PKHD1L1: variants seen among roughly 807,000 people sequenced by gnomAD.
PKHD1L1 encodes the protein PKHD1 like 1, also known as fibrocystin-L.
In PKHD1L1, 434 loss-of-function variants were observed where a neutral mutation model predicts 462.9. The ratio of observed to expected loss-of-function variants is 0.94; its 90% confidence interval spans 0.87 to 1.02. The LOEUF (loss-of-function observed/expected upper bound fraction) is 1.02. Among genes scored for constraint, PKHD1L1 ranks in the 50% least tolerant of loss-of-function variants. The probability of loss-of-function intolerance (pLI) is 0.00; values close to 1 mark genes in which losing one functional copy is unlikely to be tolerated. For missense variants in PKHD1L1, 5,202 were observed against 5,096.1 expected (o/e 1.02, Z -0.63); for synonymous variants, 1,781 against 1,750.0 (o/e 1.02, Z -0.44).
At position 109,448,173 on chromosome 8, in the gene PKHD1L1, G is replaced by A. The variant is rs866571363; in HGVS notation, c.5807G>A (p.Gly1936Glu). 1 of 1,608,930 alleles carries A rather than the reference G, an allele frequency of 6.2e-7. No homozygotes were observed. The highest frequency in any genetic ancestry group is 8.5e-7 in the Non-Finnish European group (1 of 1,177,520). ...CCAGGAACTGAAATTGAGATCACTGGATCCAACTTTGGCTTTGAGATCTTG... is the reference window on the plus strand; with the variant it reads ...CCAGGAACTGAAATTGAGATCACTGAATCCAACTTTGGCTTTGAGATCTTG... ...GPPGTEIEIT[G>E]SNFGFEILEI... The change falls in exon 39 of 78, where the codon GGA becomes GAA. Residue 1936 changes from glycine (G) to glutamate (E), a missense_variant. By Grantham distance (98) the Gly-to-Glu change is moderately conservative (BLOSUM62 -2). This residue lies in a region of PKHD1L1 where 4,497 missense variants were observed against 4,336.8 expected (regional missense o/e 1.04). Transcript: ENST00000378402.
chr8:109,381,249 G>A, intron 2 of PKHD1L1, 121 bp from the exon 3 acceptor site: 1 of 853,750 alleles, frequency 1.2e-6, no homozygotes, highest in Non-Finnish European at 1.8e-6. Context: ...TATGAAATAG[G>A]TTCACTGCTT....
chr8:109,387,070 A>G (rs556310527), intron 6 of PKHD1L1, among the ~76,000 whole-genome samples: 10 of 152,286 alleles, frequency 6.6e-5, no homozygotes, highest in African/African-American at 1.7e-4. Context: ...TCCCATGTTA[A>G]TTATGATACC....
intron 73 of PKHD1L1, among the ~76,000 whole-genome samples, chr8:109,520,924 C>A (rs920569300): frequency 2.6e-5 from 4 of 152,140 alleles, no homozygotes. Context: ...CCACTCCATG[C>A]CAAAAACCAG....
In PKHD1L1 at chr8:109,464,729, A is replaced by G; in HGVS notation, c.7897A>G (p.Met2633Val). 1.2e-6 allele frequency: 2 copies of G among 1,613,844 alleles called. No individual in the cohort carries two copies. The highest frequency in any genetic ancestry group is 1.7e-6 in the Non-Finnish European group (2 of 1,179,800). The change falls in exon 49 of 78, where the codon ATG (methionine) becomes GTG (valine). Residue 2633 changes from methionine to valine, a missense_variant. Around this residue, in one of 3 missense-constraint regions of PKHD1L1, gnomAD observed 4,497 missense variants for 4,336.8 expected, o/e 1.04. Coordinates refer to ENST00000378402, the MANE Select transcript of PKHD1L1 (RefSeq NM_177531.6). ...GTGGATCTTTGAGGAATATTTCCCCATGCAAACGGGATCTTGTACATCTAC... is the reference window on the plus strand; with the variant it reads ...GTGGATCTTTGAGGAATATTTCCCCGTGCAAACGGGATCTTGTACATCTAC... ...GMWIFEEYFP[M>V]QTGSCTSTVP... is the part of the protein sequence containing the mutation.
At chr8:109,504,533 T>G in intron 68 of PKHD1L1, 41 bp downstream of exon 68, 1 of 1,245,118 alleles carries the variant, frequency 8.0e-7, no homozygotes, top group Non-Finnish European at 1.1e-6. Context: ...TCTTTATAGT[T>G]TTTCATTCTC....
At chr8:109,417,141 C>A (rs1814218198) in intron 21 of PKHD1L1, among the ~76,000 whole-genome samples, 1 of 151,984 alleles carries the variant, frequency 6.6e-6, no homozygotes, top group Non-Finnish European at 1.5e-5. Context: ...TTTGATAGCA[C>A]AACAGGGTGG....
intron 68 of PKHD1L1, among the ~76,000 whole-genome samples, chr8:109,504,712 CT>C (rs1343627411): frequency 6.6e-6 from 1 of 152,104 alleles, no homozygotes; most frequent in East Asian, 1.9e-4. Context: ...TCTCCCATTG[CT>C]TTTTTTGTGT....
chr8:109,516,257 G>A (rs57080527), intron 72 of PKHD1L1, among the ~76,000 whole-genome samples: 7,301 of 152,136 alleles, frequency 0.048, 428 homozygotes, highest in African/African-American at 0.13. Context: ...CACAAATTGA[G>A]TGGCTCAAAC....
In PKHD1L1 at chr8:109,476,347, A is replaced by G. The variant is rs189392508; in HGVS notation, c.8758-161A>G. Among the ~76,000 whole-genome samples the G allele has an allele frequency of 5.3e-5, 8 of 152,170 alleles. No homozygotes were observed. In the East Asian group the frequency reaches 1.5e-3, roughly 29 times the overall value. ...CTAGCATTATTGTCATAGACATGTAAAACGTTAATAAACAAAATAGAAATT... is the reference window on the plus strand; with the variant it reads ...CTAGCATTATTGTCATAGACATGTAGAACGTTAATAAACAAAATAGAAATT... On this transcript the variant is annotated intron_variant, in intron 51 of 77. Transcript: ENST00000378402.
At chr8:109,389,231 C>A in intron 8 of PKHD1L1, 79 bp downstream of exon 8, 1 of 1,050,744 alleles carries the variant, frequency 9.5e-7, no homozygotes, top group Non-Finnish European at 1.4e-6. Context: ...CCTAGACCTC[C>A]CTCCTCTGCC....
rs1272260904 is a variant in PKHD1L1, at chr8:109,464,479, T to A, written c.7647T>A (p.Ser2549Arg). 1.2e-6 allele frequency: 2 copies of A among 1,613,654 alleles called. No homozygotes were observed. The highest frequency in any genetic ancestry group is 2.2e-5 in the East Asian group (1 of 44,882). ...QYNLAVFVQQ[S>R]TSLLNDDVTP... ...ACTTGGCAGTATTTGTACAGCAAAG[T>A]ACCAGTCTTCTGAATGATGATGTGA... The change falls in exon 49 of 78, where the codon AGT becomes AGA. Residue 2549 changes from serine (S) to arginine (R), a missense_variant. By Grantham distance (110) the Ser-to-Arg change is moderately radical (BLOSUM62 -1). Around this residue, in one of 3 missense-constraint regions of PKHD1L1, gnomAD observed 4,497 missense variants for 4,336.8 expected, o/e 1.04. Coordinates refer to ENST00000378402, the MANE Select transcript of PKHD1L1 (RefSeq NM_177531.6).
intron 45 of PKHD1L1, 44 bp downstream of exon 45, chr8:109,454,896 A>C: frequency 6.4e-7 from 1 of 1,561,858 alleles, no homozygotes; most frequent in Non-Finnish European, 8.7e-7. Context: ...AGGAAGACTC[A>C]CCAGGACACC....
intron 62 of PKHD1L1, among the ~76,000 whole-genome samples, chr8:109,493,135 C>A (rs1409148860): frequency 6.6e-6 from 1 of 150,612 alleles, no homozygotes; most frequent in Non-Finnish European, 1.5e-5. Context: ...AGTTTGAGAT[C>A]TACCTGGGCA....
Position 109,450,986 on chromosome 8 carries a change from G to T in PKHD1L1, c.6187G>T (p.Glu2063Ter). ...TCTTCCTTTCATAGGCACGGGAGCT[G>T]AGCAAGCCTGTGAAGTGAGTGTGGT... ...EIPSNNGTGA[E>*]QACEVSVVNG... Residue 2063 changes from glutamate to a stop codon, truncating the protein, a stop_gained, in exon 41 of 78, where the codon GAG becomes TAG. Coordinates refer to ENST00000378402, the MANE Select transcript of PKHD1L1 (RefSeq NM_177531.6). LOFTEE classifies it high-confidence loss of function. 1 of 1,607,748 alleles carries T rather than the reference G, an allele frequency of 6.2e-7. No individual in the cohort carries two copies. Among genetic ancestry groups the T allele is most frequent in the Non-Finnish European group, 8.5e-7 (1 of 1,175,288 alleles).
At chr8:109,516,785 T>C (rs1167138716) in intron 72 of PKHD1L1, among the ~76,000 whole-genome samples, 1 of 152,126 alleles carries the variant, frequency 6.6e-6, no homozygotes, top group Non-Finnish European at 1.5e-5. Context: ...ATAACAGATA[T>C]GGTACCAAGC....
Position 109,454,750 on chromosome 8 carries a change from C to T in PKHD1L1, c.6772C>T (p.His2258Tyr), listed in dbSNP as rs781012522. The change falls in exon 45 of 78, where the codon CAC (histidine) becomes TAC (tyrosine). Residue 2258 changes from histidine (H) to tyrosine (Y), a missense_variant. Physicochemically the swap from His to Tyr is moderately conservative, Grantham distance 83 (BLOSUM62 2). This residue lies in a region of PKHD1L1 where 4,497 missense variants were observed against 4,336.8 expected (regional missense o/e 1.04). Transcript: ENST00000378402. ...TGGAACAGAGACATCCCCATTCCAACACAAGGCTGTCATTACCTTGCATGG... is the reference window on the plus strand; with the variant it reads ...TGGAACAGAGACATCCCCATTCCAATACAAGGCTGTCATTACCTTGCATGG... ...QIGTETSPFQHKAVITLHGHL... is the reference protein window; with the variant it reads ...QIGTETSPFQYKAVITLHGHL... 1 of 1,613,672 alleles carries T rather than the reference C, an allele frequency of 6.2e-7. No individual in the cohort carries two copies. The highest frequency in any genetic ancestry group is 8.5e-7 in the Non-Finnish European group (1 of 1,179,786).
intron 55 of PKHD1L1, among the ~76,000 whole-genome samples, chr8:109,480,356 T>C (rs1818214500): frequency 6.6e-6 from 1 of 152,070 alleles, no homozygotes; most frequent in Non-Finnish European, 1.5e-5. Context: ...ATAGGATTCT[T>C]GAGTCTGCAG....
At chr8:109,420,945 G>A (rs979104458) in intron 23 of PKHD1L1, among the ~76,000 whole-genome samples, 3 of 151,856 alleles carry the variant, frequency 2.0e-5, no homozygotes, top group Non-Finnish European at 4.4e-5. Flanking sequence ...CTCTGTGGAC[G>A]TAAAAGAAAA....
chr8:109,435,634 A>G (rs1344815334), intron 29 of PKHD1L1, among the ~76,000 whole-genome samples: 1 of 152,202 alleles, frequency 6.6e-6, no homozygotes, highest in Non-Finnish European at 1.5e-5. Context: ...TTATGTCAAG[A>G]TAAGATTTAT....
Sources: gnomAD v4.1 joint callset for allele counts (sites outside exome capture counted in the v4.1 genomes callset) on GRCh38, gnomAD v4.1.1 for gene constraint, gnomAD v4.1.1 regional missense constraint, MANE v1.5 for transcripts, NCBI Gene and HGNC (gene_info 2026-07-23, HGNC 2026-07-21) for gene names.